OR6C2: variants seen among roughly 807,000 people sequenced by gnomAD.
OR6C2 encodes the protein olfactory receptor 6C2.
For missense variants in OR6C2, 435 were observed against 365.8 expected, an observed-to-expected ratio of 1.19 and a Z score of -1.54; for synonymous variants, 146 against 134.2, an observed-to-expected ratio of 1.09 and a Z score of -0.61.
At chr12:55,445,779 C>A (rs1353250444) in intron 1 of OR6C2, among the ~76,000 whole-genome samples, 1 of 152,148 alleles carries the variant, frequency 6.6e-6, no homozygotes, top group African/African-American at 2.4e-5. Flanking sequence ...GCATAAGGGA[C>A]AACACTGATA....
chr12:55,445,888 T>C (rs982253371), intron 1 of OR6C2, among the ~76,000 whole-genome samples: 5 of 152,214 alleles, frequency 3.3e-5, no homozygotes, highest in African/African-American at 1.2e-4. Flanking sequence ...TTGGTAATTA[T>C]ACCACAGCTA....
chr12:55,452,874 AG>A lies in OR6C2; in HGVS notation c.662del (p.Arg221LysfsTer4), dbSNP rs780007144. On this transcript the variant is annotated frameshift_variant, in exon 2 of 2. Transcript: ENST00000641202. LOFTEE classifies it low-confidence loss of function (END_TRUNC). Reference sequence around the variant, plus strand: ...GATTCTGTCCTACTTGTACATAGTCAGAACAATTCTGAAGTTCCCTTCTGTT... The same window carrying A: ...GATTCTGTCCTACTTGTACATAGTCAAACAATTCTGAAGTTCCCTTCTGTT... ...CVILSYLYIV[R>X]TILKFPSVQQ... The A allele has an allele frequency of 1.9e-5, 30 of 1,613,768 alleles. No homozygotes were observed. The highest frequency in any genetic ancestry group is 1.0e-4 in the Admixed American group (6 of 59,958).
In OR6C2 at chr12:55,451,823, T is replaced by C; in HGVS notation, c.-391T>C. 1 of 166,256 alleles carries C rather than the reference T, an allele frequency of 6.0e-6. No homozygotes were observed. The allele number at this position is 166,256 out of a possible 1,614,324, so 10.3% of individuals were successfully genotyped here. A position where few individuals can be genotyped will look rare whatever the true frequency, so the allele number is the denominator to read the frequency against. On this transcript the variant is annotated 5_prime_UTR_variant, in exon 2 of 2. Coordinates refer to ENST00000641202, the MANE Select transcript of OR6C2 (RefSeq NM_054105.2). ...TAATGTTATTAATTACCTGGATATA[T>C]CCTATATTCAGAGTTTGTCCTGGAC...
rs1427821063 is a variant in OR6C2 at position 55,452,094 on chromosome 12, A to G, written c.-120A>G. 5.1e-6 allele frequency: 3 copies of G among 586,742 alleles called. No individual in the cohort carries two copies. The highest frequency in any genetic ancestry group is 5.9e-6 in the Non-Finnish European group (2 of 338,252). The allele number at this position is 586,742 out of a possible 1,614,324, so 36.3% of individuals were successfully genotyped here. A position where few individuals can be genotyped will look rare whatever the true frequency, so the allele number is the denominator to read the frequency against. On this transcript the variant is annotated 5_prime_UTR_variant, in exon 2 of 2. In the 5' UTR this introduces an upstream ATG that the reference lacks. Transcript: ENST00000641202. ...TGATTATTCTATAAAGGGAGAAAAT[A>G]AAAGTAGGCTGGTCAGCTTGGCTTC...
chr12:55,446,076 A>C (rs1871355375), intron 1 of OR6C2, among the ~76,000 whole-genome samples: 1 of 152,236 alleles, frequency 6.6e-6, no homozygotes, highest in East Asian at 1.9e-4. Context: ...GGAAGAATAA[A>C]GTAAAGCATT....
chr12:55,450,334 G>C (rs957151235), intron 1 of OR6C2, among the ~76,000 whole-genome samples: 3 of 152,086 alleles, frequency 2.0e-5, no homozygotes, highest in Non-Finnish European at 2.9e-5. Flanking sequence ...GTGCAGACAA[G>C]AGCATGTAGA....
rs867598625 is a variant in OR6C2 at position 55,453,268 on chromosome 12, T to C, written c.*116T>C. On this transcript the variant is annotated 3_prime_UTR_variant, in exon 2 of 2. Coordinates refer to ENST00000641202, the MANE Select transcript of OR6C2 (RefSeq NM_054105.2). The stretch of plus-strand genomic sequence containing the variant: ...AGTTTAGTCATGTGAACCTTCTCAA[T>C]GACATTTAATATTGCATCCTAATCC... 1 of 689,260 alleles carries C rather than the reference T, an allele frequency of 1.5e-6. No individual in the cohort carries two copies. The highest frequency in any genetic ancestry group is 2.4e-6 in the Non-Finnish European group (1 of 408,770). The allele number at this position is 689,260 out of a possible 1,614,324, so 42.7% of individuals were successfully genotyped here. A position where few individuals can be genotyped will look rare whatever the true frequency, so the allele number is the denominator to read the frequency against.
In OR6C2 at chr12:55,448,643, C is replaced by CAAAAAAAA. The variant is rs59178718; in HGVS notation, c.-887-2675_-887-2668dup. Among the ~76,000 whole-genome samples, 100 of 71,666 alleles carry CAAAAAAAA rather than the reference C, an allele frequency of 1.4e-3. 1 individual carries two copies. The highest frequency in any genetic ancestry group is 1.7e-3 in the Non-Finnish European group (63 of 36,944). 47.0% of individuals were successfully genotyped at this position (71,666 alleles called of 152,430 possible). A position where few individuals can be genotyped will look rare whatever the true frequency, so the allele number is the denominator to read the frequency against. On this transcript the variant is annotated intron_variant, in intron 1 of 1. Coordinates refer to ENST00000641202, the MANE Select transcript of OR6C2 (RefSeq NM_054105.2). ...TCCTGTATCTGGCTTCCATTCACTG[C>CAAAAAAAA]AAAAAAAAAAAAAAAAGAAAGAAAA... is the stretch of plus-strand genomic sequence containing the variant.
At chr12:55,444,212 T>G (rs912553031) in intron 1 of OR6C2, 53 bp downstream of exon 1, 2 of 152,156 alleles carry the variant, frequency 1.3e-5, no homozygotes, top group Non-Finnish European at 2.9e-5. Flanking sequence ...GAAATTTTTG[T>G]TGGAGTACTC....
Position 55,452,333 on chromosome 12 carries a change from C to G in OR6C2, c.120C>G (p.Asn40Lys), listed in dbSNP as rs1268867922. ...CCTACATGTTGAGTGTAACAGGGAACCTGACTATTATCACCCTCACATTGG... is the reference window on the plus strand; with the variant it reads ...CCTACATGTTGAGTGTAACAGGGAAGCTGACTATTATCACCCTCACATTGG... ...FLTYMLSVTG[N>K]LTIITLTLVD... Residue 40 changes from asparagine to lysine, a missense_variant, in exon 2 of 2, where the codon AAC becomes AAG. Physicochemically the swap from Asn to Lys is moderately conservative, Grantham distance 94. Coordinates refer to ENST00000641202, the MANE Select transcript of OR6C2 (RefSeq NM_054105.2). The G allele has an allele frequency of 1.7e-5, 27 of 1,613,416 alleles. No homozygotes were observed. The highest frequency in any genetic ancestry group is 1.6e-5 in the Non-Finnish European group (19 of 1,179,626).
Position 55,451,378 on chromosome 12 carries a change from A to AT in OR6C2, c.-832dup, listed in dbSNP as rs1271517267. ...TATGTCTATGAGTTCAACTGATTTG[A>AT]TTTTCAGATGTCACGAATAAGTGAG... is the stretch of plus-strand genomic sequence containing the variant. On this transcript the variant is annotated 5_prime_UTR_variant, in exon 2 of 2. The change abolishes the stop of an existing upstream ORF in the 5' untranslated region. Transcript: ENST00000641202. 6.6e-6 allele frequency: 1 copy of AT among 151,826 alleles called. No homozygotes were observed. Among genetic ancestry groups the AT allele is most frequent in the East Asian group, 1.9e-4 (1 of 5,170 alleles). 9.4% of individuals were successfully genotyped at this position (151,826 alleles called of 1,614,324 possible). A position where few individuals can be genotyped will look rare whatever the true frequency, so the allele number is the denominator to read the frequency against.
At chr12:55,444,652 C>T (rs542114695) in intron 1 of OR6C2, among the ~76,000 whole-genome samples, 1 of 152,192 alleles carries the variant, frequency 6.6e-6, no homozygotes, top group Middle Eastern at 3.4e-3. Context: ...CTGCACAAGA[C>T]GATCAAGGCG....
intron 1 of OR6C2, among the ~76,000 whole-genome samples, chr12:55,448,643 C>CAAAAAAAAAAAAAAAAAAAAAAAA (rs59178718): frequency 2.9e-4 from 21 of 71,704 alleles, no homozygotes; most frequent in Admixed American, 5.4e-4. Context: ...CCATTCACTG[C>CAAAAAAAAAAAAAAAAAAAAAAAA]AAAAAAAAAA....
intron 1 of OR6C2, among the ~76,000 whole-genome samples, chr12:55,447,326 T>TG (rs1871381765): frequency 6.6e-6 from 1 of 151,316 alleles, no homozygotes; most frequent in African/African-American, 2.4e-5. Flanking sequence ...TTTTTGGGTT[T>TG]TTTTTTTTTT....
At chr12:55,451,303 C>G (rs1001247169) in intron 1 of OR6C2, 24 bp from the exon 2 acceptor site, 1 of 151,930 alleles carries the variant, frequency 6.6e-6, no homozygotes, top group Non-Finnish European at 1.5e-5. Context: ...CACCTACCCC[C>G]GAACCCCCCA....
In OR6C2 at chr12:55,452,955, A is replaced by G. The variant is rs763196813; in HGVS notation, c.742A>G (p.Ile248Val). 1 of 1,613,716 alleles carries G rather than the reference A, an allele frequency of 6.2e-7. No homozygotes were observed. The highest frequency in any genetic ancestry group is 1.1e-5 in the South Asian group (1 of 91,086). The part of the protein sequence containing the change: ...TCSSHMIVVS[I>V]AYGSCIFIYI... Reference sequence around the variant, plus strand: ...TTCATCCCACATGATTGTGGTTTCCATTGCCTATGGAAGCTGCATCTTCAT... The same window carrying G: ...TTCATCCCACATGATTGTGGTTTCCGTTGCCTATGGAAGCTGCATCTTCAT... The change falls in exon 2 of 2, where the codon ATT becomes GTT. Residue 248 changes from isoleucine (I) to valine (V), a missense_variant. Physicochemically the swap from Ile to Val is conservative, Grantham distance 29. Transcript: ENST00000641202.
chr12:55,447,626 C>A (rs996296975), intron 1 of OR6C2, among the ~76,000 whole-genome samples: 1 of 152,034 alleles, frequency 6.6e-6, no homozygotes, highest in African/African-American at 2.4e-5. Flanking sequence ...CTTAGTATAA[C>A]CTCTTGTAGG....
chr12:55,445,517 A>G (rs1449191815), intron 1 of OR6C2, among the ~76,000 whole-genome samples: 2 of 152,206 alleles, frequency 1.3e-5, no homozygotes, highest in Non-Finnish European at 2.9e-5. Flanking sequence ...AACCCTAGAG[A>G]CTGTGTTGTC....
chr12:55,453,206 C>A lies in OR6C2; in HGVS notation c.*54C>A. On this transcript the variant is annotated 3_prime_UTR_variant, in exon 2 of 2. Coordinates refer to ENST00000641202, the MANE Select transcript of OR6C2 (RefSeq NM_054105.2). The stretch of plus-strand genomic sequence containing the variant: ...TGAAGAAGGCTCCCTAAATGTCATC[C>A]TACAGCTTTTAACTTATTTCATTGC... 1 of 1,304,396 alleles carries A rather than the reference C, an allele frequency of 7.7e-7. No individual in the cohort carries two copies. The highest frequency in any genetic ancestry group is 2.4e-5 in the East Asian group (1 of 42,018). 80.8% of individuals were successfully genotyped at this position (1,304,396 alleles called of 1,614,324 possible). A position where few individuals can be genotyped will look rare whatever the true frequency, so the allele number is the denominator to read the frequency against.
Sources: allele counts gnomAD v4.1 joint callset (sites outside exome capture counted in the v4.1 genomes callset), GRCh38; gene constraint gnomAD v4.1.1; transcripts MANE v1.5; gene names NCBI Gene and HGNC (gene_info 2026-07-23, HGNC 2026-07-21).